PRSS12: variants seen among roughly 807,000 people sequenced by gnomAD.
The protein encoded by PRSS12 is neurotrypsin.
In PRSS12, 85 loss-of-function variants were observed where a neutral mutation model predicts 104.4. The observed-to-expected ratio is 0.81, with a 90% confidence interval of 0.68 to 0.98. The LOEUF (loss-of-function observed/expected upper bound fraction) is 0.98. PRSS12 is among the 50% of genes least tolerant of loss of function. The pLI is 0.00. For synonymous variants in PRSS12, 454 were observed against 425.2 expected, an observed-to-expected ratio of 1.07 and a Z score of -0.83; for missense variants, 1,141 against 1,139.2, an observed-to-expected ratio of 1.00 and a Z score of -0.02.
chr4:118,309,253 G>GT (rs1743642127), intron 7 of PRSS12, among the ~76,000 whole-genome samples: 1 of 152,150 alleles, frequency 6.6e-6, no homozygotes, highest in Non-Finnish European at 1.5e-5. Flanking sequence ...CAAATGAAGG[G>GT]ATTTGTAAAG....
At chr4:118,298,535 CTACCCCTGAACCT>C (rs1743310645) in intron 9 of PRSS12, among the ~76,000 whole-genome samples, 185 bp downstream of exon 9, 1 of 152,156 alleles carries the variant, frequency 6.6e-6, no homozygotes. Flanking sequence ...AAATTCATTC[CTACCCCTGAACCT>C]TGTTCTGCCT....
At chr4:118,329,754 T>A (rs757683721) in intron 4 of PRSS12, among the ~76,000 whole-genome samples, 1 of 152,116 alleles carries the variant, frequency 6.6e-6, no homozygotes, top group Non-Finnish European at 1.5e-5. Flanking sequence ...CAAAACCCTA[T>A]AAATTAAGAA....
chr4:118,340,833 G>A lies in PRSS12; in HGVS notation c.503-2519C>T, dbSNP rs78959044. On this transcript the variant is annotated intron_variant, in intron 1 of 12. Coordinates refer to ENST00000296498, the MANE Select transcript of PRSS12 (RefSeq NM_003619.4). ...GGTTTAACAAAGTGTGGTCAGCCACGTAGAAATATGTTTGGACAAAATGGG... is the reference window on the plus strand; with the variant it reads ...GGTTTAACAAAGTGTGGTCAGCCACATAGAAATATGTTTGGACAAAATGGG... Among the ~76,000 whole-genome samples the A allele has an allele frequency of 5.4e-3, 824 of 152,342 alleles. 8 individuals carry two copies. Among genetic ancestry groups the A allele is most frequent in the African/African-American group, 0.018 (763 of 41,574 alleles).
At chr4:118,309,207 T>A (rs540745072) in intron 7 of PRSS12, among the ~76,000 whole-genome samples, 2 of 152,312 alleles carry the variant, frequency 1.3e-5, no homozygotes, top group African/African-American at 4.8e-5. Flanking sequence ...GTTGAGAAAC[T>A]GAACTCTAGC....
At chr4:118,313,141 T>C in intron 7 of PRSS12, 60 bp downstream of exon 7, 3 of 1,588,684 alleles carry the variant, frequency 1.9e-6, no homozygotes, top group Non-Finnish European at 2.6e-6. Context: ...TCAAGGCCAG[T>C]GGTTAGAGGT....
Position 118,280,296 on chromosome 4 carries a change from T to C in PRSS12, c.*1640A>G, listed in dbSNP as rs141028996. ...TTTCAATAGACATTTTTCTCACCTA[T>C]ATTGCACGTTTTTCTGAAGCCCTTG... On this transcript the variant is annotated 3_prime_UTR_variant, in exon 13 of 13. Transcript: ENST00000296498. 6.6e-6 allele frequency: 1 copy of C among 152,384 alleles called. No homozygotes were observed. The highest frequency in any genetic ancestry group is 1.9e-4 in the East Asian group (1 of 5,194). The allele number at this position is 152,384 out of a possible 1,614,324, so 9.4% of individuals were successfully genotyped here.
intron 2 of PRSS12, among the ~76,000 whole-genome samples, chr4:118,337,085 A>C (rs1724081021): frequency 6.6e-6 from 1 of 152,208 alleles, no homozygotes; most frequent in Non-Finnish European, 1.5e-5. Context: ...TCTAAGCAAA[A>C]TTTAGGCCTT....
At position 118,338,305 on chromosome 4, in the gene PRSS12, C is replaced by G. The variant is rs201358260; in HGVS notation, c.512G>C (p.Arg171Pro). The G allele has an allele frequency of 6.2e-7, 1 of 1,613,886 alleles. No individual in the cohort carries two copies. Among genetic ancestry groups the G allele is most frequent in the African/African-American group, 1.3e-5 (1 of 74,994 alleles). Residue 171 changes from arginine (R) to proline (P), a missense_variant, in exon 2 of 13, where the codon CGA becomes CCA. Physicochemically the swap from Arg to Pro is moderately radical, Grantham distance 103 (BLOSUM62 -2). Coordinates refer to ENST00000296498, the MANE Select transcript of PRSS12 (RefSeq NM_003619.4). ...AAACTCATTTTTGCCGCCACGAAGT[C>G]GTACTGATCCTAAAGTGGAAAAGAA... ...GYCDCRHGSVRLRGGKNEFEG... is the reference protein window; with the variant it reads ...GYCDCRHGSVPLRGGKNEFEG...
At chr4:118,303,641 T>A (rs1743457006) in intron 8 of PRSS12, 1 of 152,170 alleles carries the variant, frequency 6.6e-6, no homozygotes, top group Non-Finnish European at 1.5e-5. Context: ...TGATAATTAG[T>A]CTTTAAACTG....
chr4:118,307,648 T>C (rs1743589870), intron 8 of PRSS12, among the ~76,000 whole-genome samples: 2 of 152,196 alleles, frequency 1.3e-5, no homozygotes, highest in South Asian at 4.1e-4. Context: ...AGCTGAGGTC[T>C]AACCAACAGG....
At chr4:118,337,091 G>A (rs893416776) in intron 2 of PRSS12, among the ~76,000 whole-genome samples, 1 of 151,980 alleles carries the variant, frequency 6.6e-6, no homozygotes, top group African/African-American at 2.4e-5. Flanking sequence ...CAAAATTTAG[G>A]CCTTCAAGCT....
intron 11 of PRSS12, among the ~76,000 whole-genome samples, chr4:118,290,436 C>T (rs1367116889): frequency 2.6e-5 from 4 of 152,128 alleles, no homozygotes; most frequent in Non-Finnish European, 5.9e-5. Context: ...CCAAAATAGG[C>T]TTCTTCAAGT....
chr4:118,342,762 G>A (rs149077122), intron 1 of PRSS12, among the ~76,000 whole-genome samples: 18 of 152,270 alleles, frequency 1.2e-4, no homozygotes, highest in African/African-American at 4.1e-4. Context: ...ATGTTCCAAT[G>A]TACAACAATG....
At chr4:118,299,909 A>G (rs1743364972) in intron 8 of PRSS12, among the ~76,000 whole-genome samples, 1 of 148,596 alleles carries the variant, frequency 6.7e-6, no homozygotes, top group African/African-American at 2.4e-5. Flanking sequence ...TGAACCCAGG[A>G]GGCAGAGATT....
chr4:118,299,861 G>C (rs1300169600), intron 8 of PRSS12, among the ~76,000 whole-genome samples: 10 of 144,728 alleles, frequency 6.9e-5, no homozygotes, highest in Non-Finnish European at 1.2e-4. Flanking sequence ...TGGGCATGTA[G>C]TCCCAGCTAC....
chr4:118,296,057 G>C (rs566067490), intron 9 of PRSS12, among the ~76,000 whole-genome samples: 1 of 152,318 alleles, frequency 6.6e-6, no homozygotes, highest in East Asian at 1.9e-4. Context: ...ACATTATGAG[G>C]TTTCCCATTC....
chr4:118,293,898 T>C (rs539120146), intron 11 of PRSS12, among the ~76,000 whole-genome samples: 4 of 152,318 alleles, frequency 2.6e-5, no homozygotes, highest in African/African-American at 9.6e-5. Context: ...GTGAGACTTG[T>C]ACCTGGTTGT....
intron 11 of PRSS12, among the ~76,000 whole-genome samples, chr4:118,286,797 TG>T (rs1018772917): frequency 3.4e-4 from 52 of 152,116 alleles, no homozygotes; most frequent in African/African-American, 1.2e-3. Flanking sequence ...TGAAAATCCA[TG>T]GGGTTCAGAT....
intron 1 of PRSS12, among the ~76,000 whole-genome samples, chr4:118,340,733 G>A (rs537414744): frequency 3.4e-4 from 52 of 152,278 alleles, no homozygotes; most frequent in East Asian, 1.7e-3. Flanking sequence ...TTATTTGATC[G>A]TGGTTTTACG....
Sources: gnomAD v4.1 joint callset for allele counts (sites outside exome capture counted in the v4.1 genomes callset) on GRCh38, gnomAD v4.1.1 for gene constraint, MANE v1.5 for transcripts, NCBI Gene and HGNC (gene_info 2026-07-23, HGNC 2026-07-21) for gene names.